Variants in FBLN7 observed in about 807,000 individuals in gnomAD.
The protein encoded by FBLN7 is fibulin 7.
A neutral mutation model predicts 44.0 loss-of-function variants in FBLN7; 31 were observed. That is an observed-to-expected ratio of 0.70 (90% confidence interval 0.53 to 0.95). FBLN7 has a LOEUF of 0.95. Among genes scored for constraint, FBLN7 ranks in the 40% least tolerant of loss-of-function variants. FBLN7 has a pLI of 0.00. For synonymous variants in FBLN7, 262 were observed against 253.4 expected (o/e 1.03, Z -0.32); for missense variants, 573 against 618.5 (o/e 0.93, Z 0.78).
intron 1 of FBLN7, among the ~76,000 whole-genome samples, chr2:112,140,097 C>T (rs561589724): frequency 1.2e-4 from 11 of 94,036 alleles, no homozygotes; most frequent in Admixed American, 2.2e-4. Context: ...TCCACGCCAG[C>T]GTCCCTCCCG....
At chr2:112,231,141 A>T in the FBLN7 span, among the ~76,000 whole-genome samples, 2 of 152,140 alleles carry the variant, frequency 1.3e-5, no homozygotes, top group African/African-American at 4.8e-5. Context: ...ATTTCACACA[A>T]ATAAACAACT....
chr2:112,166,729 G>A (rs902710316), intron 3 of FBLN7, among the ~76,000 whole-genome samples: 5 of 152,170 alleles, frequency 3.3e-5, no homozygotes. Flanking sequence ...TGTTTTGGGT[G>A]TCAGTATTTT....
intron 5 of FBLN7, 185 bp downstream of exon 5, chr2:112,182,061 A>G (rs1683029726): frequency 2.7e-6 from 2 of 738,244 alleles, no homozygotes; most frequent in Non-Finnish European, 4.1e-6. Flanking sequence ...GCTAATTCAC[A>G]GAAATCAGAG....
At chr2:112,197,274 C>CACACACACACAGAGAGAG in the FBLN7 span, among the ~76,000 whole-genome samples, 6 of 98,598 alleles carry the variant, frequency 6.1e-5, no homozygotes, top group South Asian at 4.4e-4. Context: ...CACACACACA[C>CACACACACACAGAGAGAG]AGAGAGAGAG....
rs113858761 is a variant in FBLN7 at position 112,160,892 on chromosome 2, T to G, written c.235+1057T>G. ...CTCAGCCCGAGCCAGTGCAATACAC[T>G]GGTTCCAGTCCATGACCAAGGTTGG... On this transcript the variant is annotated intron_variant, in intron 2 of 7. Coordinates refer to ENST00000331203, the MANE Select transcript of FBLN7 (RefSeq NM_153214.3). Among the ~76,000 whole-genome samples the G allele has an allele frequency of 5.8e-3, 886 of 151,944 alleles. 7 individuals carry two copies. Among genetic ancestry groups the G allele is most frequent in the Non-Finnish European group, 9.1e-3 (617 of 67,970 alleles).
chr2:112,152,498 G>T (rs2104549296), intron 1 of FBLN7: 1 of 152,398 alleles, frequency 6.6e-6, no homozygotes, highest in East Asian at 1.9e-4. Context: ...GAGGGCTGGG[G>T]TGGTTAATTT....
intron 2 of FBLN7, among the ~76,000 whole-genome samples, chr2:112,161,988 C>T (rs1466069959): frequency 2.6e-5 from 4 of 152,110 alleles, no homozygotes; most frequent in Non-Finnish European, 5.9e-5. Flanking sequence ...AGACACCTGC[C>T]CAGATCAAAT....
intron 1 of FBLN7, among the ~76,000 whole-genome samples, chr2:112,148,921 G>T (rs912401094): frequency 6.6e-6 from 1 of 152,254 alleles, no homozygotes; most frequent in Non-Finnish European, 1.5e-5. Flanking sequence ...TGGGAAAACA[G>T]ACTTCCTTTT....
At chr2:112,175,940 C>T (rs1682720664) in intron 4 of FBLN7, 101 bp downstream of exon 4, 3 of 1,425,470 alleles carry the variant, frequency 2.1e-6, no homozygotes, top group Non-Finnish European at 9.5e-7. Context: ...AGCTCAGTCC[C>T]CCACTCAAAG....
At chr2:112,244,028 T>TA in the FBLN7 span, among the ~76,000 whole-genome samples, 6 of 151,194 alleles carry the variant, frequency 4.0e-5, 1 homozygote, top group Admixed American at 6.6e-5. Flanking sequence ...AGAAAAAAGA[T>TA]AAAAAATAAG....
chr2:112,198,782 T>C, the FBLN7 span, among the ~76,000 whole-genome samples: 2 of 152,236 alleles, frequency 1.3e-5, no homozygotes, highest in African/African-American at 2.4e-5. Flanking sequence ...ACCTTGATCC[T>C]GGACTTTCCA....
At chr2:112,201,996 T>A in the FBLN7 span, among the ~76,000 whole-genome samples, 1 of 152,210 alleles carries the variant, frequency 6.6e-6, no homozygotes, top group African/African-American at 2.4e-5. Flanking sequence ...ATGTAACAAA[T>A]ATACCTGCCA....
intron 1 of FBLN7, among the ~76,000 whole-genome samples, chr2:112,144,526 T>TTC (rs1341209035): frequency 3.0e-4 from 11 of 37,272 alleles, no homozygotes; most frequent in African/African-American, 1.3e-3. Context: ...TTCTTTTCTT[T>TTC]TTTTTTTTTT....
chr2:112,224,021 C>A, the FBLN7 span, among the ~76,000 whole-genome samples: 1 of 152,026 alleles, frequency 6.6e-6, no homozygotes, highest in Non-Finnish European at 1.5e-5. Context: ...TGCCTGTAAT[C>A]CCAGCTACCC....
At chr2:112,144,789 T>G (rs1370206320) in intron 1 of FBLN7, among the ~76,000 whole-genome samples, 1 of 152,228 alleles carries the variant, frequency 6.6e-6, no homozygotes, top group African/African-American at 2.4e-5. Flanking sequence ...CCTCCCAAAG[T>G]GTTGGGATTA....
In FBLN7 at chr2:112,187,267, T is replaced by G; in HGVS notation, c.1081T>G (p.Ser361Ala). The G allele has an allele frequency of 6.2e-7, 1 of 1,614,154 alleles. No individual in the cohort carries two copies. Among genetic ancestry groups the G allele is most frequent in the South Asian group, 1.1e-5 (1 of 91,088 alleles). The change falls in exon 8 of 8, where the codon TCT becomes GCT. Residue 361 changes from serine (S) to alanine (A), a missense_variant. Ser to Ala is a moderately conservative substitution (Grantham distance 99). Transcript: ENST00000331203. The surrounding 1 kb of genome is among the most constrained non-coding windows in gnomAD (Gnocchi z 5.1). ...PITLFRMATASAPGRAGPNSL... is the reference protein window; with the variant it reads ...PITLFRMATAAAPGRAGPNSL... Reference sequence around the variant, plus strand: ...CACGCTCTTCCGCATGGCCACAGCCTCTGCCCCCGGCCGAGCTGGGCCCAA... The same window carrying G: ...CACGCTCTTCCGCATGGCCACAGCCGCTGCCCCCGGCCGAGCTGGGCCCAA...
Position 112,175,684 on chromosome 2 carries a change from CG to C in FBLN7, c.407-29del, listed in dbSNP as rs1682705463. 1.9e-6 allele frequency: 3 copies of C among 1,612,566 alleles called. No individual in the cohort carries two copies. In the East Asian group the frequency reaches 6.7e-5, roughly 36 times the overall value. ...TTGTTTTAGACCTAGAACTCACATC[CG>C]TATATTTGAAAATTATTTATCTTCC... On this transcript the variant is annotated intron_variant, in intron 3 of 7. Transcript: ENST00000331203.
At chr2:112,189,854 C>T (rs1163629538), downstream of FBLN7, 1 of 152,082 alleles carries the variant, frequency 6.6e-6, no homozygotes, top group Non-Finnish European at 1.5e-5. Flanking sequence ...AAAGGATAAC[C>T]AAAATGCCAT....
the FBLN7 span, among the ~76,000 whole-genome samples, chr2:112,243,969 T>G: frequency 6.6e-6 from 1 of 151,280 alleles, no homozygotes; most frequent in African/African-American, 2.5e-5. Flanking sequence ...TAAATTGTAA[T>G]TTATGAAATA....
Sources: gnomAD v4.1 joint callset for allele counts (sites outside exome capture counted in the v4.1 genomes callset) on GRCh38, gnomAD v4.1.1 for gene constraint, Gnocchi (gnomAD v3.1) non-coding constraint, MANE v1.5 for transcripts, NCBI Gene and HGNC (gene_info 2026-07-23, HGNC 2026-07-21) for gene names.